Variants in SRCIN1 observed in about 807,000 individuals in gnomAD.
SRCIN1 encodes P130Cas-associated protein.
Under a neutral mutation model 116.2 loss-of-function variants are expected in SRCIN1, and 50 were observed. The observed-to-expected ratio is 0.43, with a 90% CI of 0.34 to 0.54. SRCIN1 has a LOEUF of 0.54. Among genes scored for constraint, SRCIN1 ranks in the 20% least tolerant of loss-of-function variants. The pLI, the probability that SRCIN1 is intolerant of heterozygous loss-of-function variation, is 0.02. For missense variants in SRCIN1, 1,446 were observed against 1,672.0 expected (o/e 0.86, Z 2.36); for synonymous variants, 736 against 750.0 (o/e 0.98, Z 0.30).
At chr17:38,598,346 A>G (rs2143449233) in intron 1 of SRCIN1, among the ~76,000 whole-genome samples, 1 of 152,272 alleles carries the variant, frequency 6.6e-6, no homozygotes. Flanking sequence ...CATTCTTCCC[A>G]TAAGAAGCAG....
rs1394101266 is a variant in SRCIN1, at chr17:38,564,238, C to G, written c.421G>C (p.Ala141Pro). 6.3e-7 allele frequency: 1 copy of G among 1,578,606 alleles called. No homozygotes were observed. Among genetic ancestry groups the G allele is most frequent in the South Asian group, 1.2e-5 (1 of 86,098 alleles). ...DQAAKLSYAS[A>P]ESLETMSEAE... ...TCCGACATGGTCTCCAGCGACTCGG[C>G]GGAGGCGTAGGACAGCTTTGCCGCC... Residue 141 changes from alanine to proline, a missense_variant, in exon 4 of 19, where the codon GCC (alanine) becomes CCC (proline). Around this residue, in one of 5 missense-constraint regions of SRCIN1, gnomAD observed 246 missense variants for 265.1 expected, o/e 0.93. Coordinates refer to ENST00000617146, the MANE Select transcript of SRCIN1 (RefSeq NM_025248.3).
rs550515127 is a variant in SRCIN1 at position 38,605,738 on chromosome 17, C to T, written c.-33G>A. 2.0e-4 allele frequency: 229 copies of T among 1,134,664 alleles called. No homozygotes were observed. The African/African-American group carries it at 2.8e-3, about 14-fold the overall frequency. The allele number at this position is 1,134,664 out of a possible 1,614,324, so 70.3% of individuals were successfully genotyped here. On this transcript the variant is annotated 5_prime_UTR_variant, in exon 1 of 19. Coordinates refer to ENST00000617146, the MANE Select transcript of SRCIN1 (RefSeq NM_025248.3). ...GGGCGCGGGGGGCGGGGGCCCCGGG[C>T]CGGCCTGCCTGGCGCTCGCCCTCTC... is the stretch of plus-strand genomic sequence containing the variant.
rs1389526631 is a variant in SRCIN1 at position 38,602,228 on chromosome 17, AG to A, written c.22+3455del. The A allele has an allele frequency of 1.3e-5, 2 of 151,926 alleles. No individual in the cohort carries two copies. Among genetic ancestry groups the A allele is most frequent in the African/African-American group, 4.8e-5 (2 of 41,270 alleles). 9.4% of individuals were successfully genotyped at this position (151,926 alleles called of 1,614,324 possible). On this transcript the variant is annotated intron_variant, in intron 1 of 18. Transcript: ENST00000617146. The surrounding 1 kb of genome is among the most constrained non-coding windows in gnomAD (Gnocchi z 4.2). ...CCTCCCTCCCTTCCTCCCTCGGGGC[AG>A]GCACTGCTTCCCAGCCAAATCCGAA... is the stretch of plus-strand genomic sequence containing the variant.
chr17:38,583,976 C>A (rs992624979), intron 1 of SRCIN1, among the ~76,000 whole-genome samples: 1 of 152,160 alleles, frequency 6.6e-6, no homozygotes, highest in African/African-American at 2.4e-5. Flanking sequence ...CCTGACCCCC[C>A]TCGGACCTGA....
At chr17:38,589,036 C>T (rs1189997521) in intron 1 of SRCIN1, among the ~76,000 whole-genome samples, 1 of 152,238 alleles carries the variant, frequency 6.6e-6, no homozygotes, top group African/African-American at 2.4e-5. Context: ...CATCTGCTCA[C>T]TCATGCTTCT....
chr17:38,563,177 G>T lies in SRCIN1; in HGVS notation c.740+146C>A. ...GGTGGGGGCTGAGATGGCCGAGGAA[G>T]GGGGCGGGGCGGTAGGGCTCTGGGA... is the stretch of plus-strand genomic sequence containing the variant. On this transcript the variant is annotated intron_variant, in intron 5 of 18. Transcript: ENST00000617146. The surrounding 1 kb of genome is among the most constrained non-coding windows in gnomAD (Gnocchi z 5.8). 1 of 914,834 alleles carries T rather than the reference G, an allele frequency of 1.1e-6. No homozygotes were observed. Among genetic ancestry groups the T allele is most frequent in the Non-Finnish European group, 1.6e-6 (1 of 612,346 alleles). 56.7% of individuals were successfully genotyped at this position (914,834 alleles called of 1,614,324 possible).
chr17:38,549,649 C>T (rs762639188), intron 15 of SRCIN1, among the ~76,000 whole-genome samples: 5 of 152,206 alleles, frequency 3.3e-5, no homozygotes, highest in Non-Finnish European at 5.9e-5. Context: ...TCCAGGGATC[C>T]TGGCCCCTCC....
chr17:38,536,486 C>A lies in SRCIN1; in HGVS notation c.3418-3055G>T, dbSNP rs78214461. Reference sequence around the variant, plus strand: ...ACTGAGCTGGTCCCAGAGGGCACCACCCTGCACACCTCCCTCTTGCCTGGG... The same window carrying A: ...ACTGAGCTGGTCCCAGAGGGCACCAACCTGCACACCTCCCTCTTGCCTGGG... On this transcript the variant is annotated intron_variant, in intron 18 of 18. Transcript: ENST00000617146. 6.6e-5 allele frequency among the ~76,000 whole-genome samples: 10 copies of A among 152,380 alleles called. No individual in the cohort carries two copies. The East Asian group carries it at 1.9e-3, about 29-fold the overall frequency.
At chr17:38,559,352 C>A (rs989475807) in intron 10 of SRCIN1, 3 of 561,102 alleles carry the variant, frequency 5.3e-6, no homozygotes, top group Non-Finnish European at 9.3e-6. Context: ...ATGAGGGGGT[C>A]ACGGGCGAGG....
At chr17:38,551,482 G>A (rs1215981983) in intron 14 of SRCIN1, 93 bp from the exon 15 acceptor site, 5 of 1,122,608 alleles carry the variant, frequency 4.5e-6, no homozygotes, top group Non-Finnish European at 6.3e-6. Context: ...CGTAGGCAAG[G>A]AATAGAAAAC....
At chr17:38,557,094 C>G (rs558366957) in intron 11 of SRCIN1, among the ~76,000 whole-genome samples, 1 of 152,214 alleles carries the variant, frequency 6.6e-6, no homozygotes, top group Non-Finnish European at 1.5e-5. Flanking sequence ...GGGGTGGCCC[C>G]TTACCCTATT....
At chr17:38,580,431 A>G (rs1347385704) in intron 1 of SRCIN1, among the ~76,000 whole-genome samples, 1 of 152,106 alleles carries the variant, frequency 6.6e-6, no homozygotes, top group Non-Finnish European at 1.5e-5. Flanking sequence ...GCAGCTCACC[A>G]GGGCCTGACC....
rs745846775 is a variant in SRCIN1, at chr17:38,561,691, G to A, written c.1472C>T (p.Pro491Leu). 9 of 1,550,462 alleles carry A rather than the reference G, an allele frequency of 5.8e-6. No homozygotes were observed. In the Admixed American group the frequency reaches 1.3e-4, roughly 22 times the overall value. The change falls in exon 7 of 19, where the codon CCG (proline) becomes CTG (leucine). Residue 491 changes from proline (P) to leucine (L), a missense_variant. By Grantham distance (98) the Pro-to-Leu change is moderately conservative. Coordinates refer to ENST00000617146, the MANE Select transcript of SRCIN1 (RefSeq NM_025248.3). ...GGGCGGCCCCGAGTAGGGGCTGTGC[G>A]GTGGCGGGGGACCTCCGGGGGGTGC... ...VAAPPGGPPP[P>L]HSPYSGPPSR...
chr17:38,605,609 AAC>A, intron 1 of SRCIN1, 73 bp downstream of exon 1: 1 of 1,250,482 alleles, frequency 8.0e-7, no homozygotes, highest in Non-Finnish European at 1.1e-6. Flanking sequence ...CGAGGGGGAA[AAC>A]ACACAAAGAA....
intron 1 of SRCIN1, among the ~76,000 whole-genome samples, chr17:38,596,789 G>A (rs1020433023): frequency 3.3e-5 from 5 of 152,026 alleles, no homozygotes; most frequent in Non-Finnish European, 5.9e-5. Flanking sequence ...ACTGTGCTAG[G>A]AGCACAGACC....
At chr17:38,550,410 C>T (rs546507647) in intron 15 of SRCIN1, among the ~76,000 whole-genome samples, 8 of 152,064 alleles carry the variant, frequency 5.3e-5, no homozygotes, top group Non-Finnish European at 1.0e-4. Context: ...AGGAGAATGG[C>T]GAGAACCCAG....
chr17:38,540,767 G>C (rs1487233895), intron 18 of SRCIN1, among the ~76,000 whole-genome samples: 2 of 151,318 alleles, frequency 1.3e-5, no homozygotes, highest in African/African-American at 4.9e-5. Context: ...GTGTGTGTGT[G>C]TGTGTGACAC....
intron 17 of SRCIN1, among the ~76,000 whole-genome samples, chr17:38,546,916 G>GC (rs202130167): frequency 1.2e-4 from 4 of 32,310 alleles, no homozygotes; most frequent in Non-Finnish European, 2.5e-4. Flanking sequence ...CCAGAGCGGA[G>GC]CCCCCCTGCC....
chr17:38,549,145 G>A lies in SRCIN1; in HGVS notation c.3028C>T (p.Arg1010Cys). ...PSKSPPPPPP[R>C]RSFPSSHGLT... ...CCATGGGAGGAGGGGAAGCTCCGGC[G>A]GGGAGGGGGCGGTGGGGGCGACTTG... Residue 1010 changes from arginine to cysteine, a missense_variant, in exon 16 of 19, where the codon CGC becomes TGC. Around this residue, in one of 5 missense-constraint regions of SRCIN1, gnomAD observed 531 missense variants for 633.9 expected, o/e 0.84. Coordinates refer to ENST00000617146, the MANE Select transcript of SRCIN1 (RefSeq NM_025248.3). 1.9e-6 allele frequency: 3 copies of A among 1,599,356 alleles called. No individual in the cohort carries two copies. Among genetic ancestry groups the A allele is most frequent in the Non-Finnish European group, 2.6e-6 (3 of 1,173,768 alleles).
Sources: allele counts gnomAD v4.1 joint callset (sites outside exome capture counted in the v4.1 genomes callset), GRCh38; gene constraint gnomAD v4.1.1; regional missense constraint gnomAD v4.1.1; non-coding constraint Gnocchi (gnomAD v3.1); transcripts MANE v1.5; gene names NCBI Gene and HGNC (gene_info 2026-07-23, HGNC 2026-07-21).